Variants in EYS observed in about 807,000 individuals in gnomAD.
EYS encodes protein eyes shut homolog.
EYS carries 250 observed loss-of-function variants against 282.1 expected under a neutral mutation model. The ratio of observed to expected loss-of-function variants is 0.89; its 90% CI spans 0.80 to 0.98. The LOEUF (loss-of-function observed/expected upper bound fraction) is 0.98, where lower values mean the gene tolerates loss of function less well. Ranked by LOEUF, EYS falls within the 50% of genes least tolerant of loss-of-function variation. The pLI, the probability that EYS is intolerant of heterozygous loss-of-function variation, is 0.00. For synonymous variants in EYS, 1,355 were observed against 1,282.9 expected (o/e 1.06, Z -1.20); for missense variants, 4,016 against 3,709.0 (o/e 1.08, Z -2.15).
chr6:65,240,310 C>T (rs1767026774), intron 12 of EYS, among the ~76,000 whole-genome samples: 1 of 151,912 alleles, frequency 6.6e-6, no homozygotes, highest in African/African-American at 2.4e-5. Context: ...TCAGGGGGTA[C>T]ACTTGCAGGT....
chr6:63,848,017 A>G lies in EYS; in HGVS notation c.7228+16169T>C, dbSNP rs139364642. On this transcript the variant is annotated intron_variant, in intron 36 of 42. Coordinates refer to ENST00000503581, the MANE Select transcript of EYS (RefSeq NM_001142800.2). ...CATAATGCAATTTGAAGCATTTTTT[A>G]TTTTTATTAAATTACAGCACAGAGA... Among the ~76,000 whole-genome samples, 419 of 152,304 alleles carry G rather than the reference A, an allele frequency of 2.8e-3. 1 individual carries two copies. The highest frequency in any genetic ancestry group is 8.4e-3 in the African/African-American group (349 of 41,568).
At chr6:64,094,861 G>C (rs1308424187) in intron 31 of EYS, among the ~76,000 whole-genome samples, 1 of 152,040 alleles carries the variant, frequency 6.6e-6, no homozygotes, top group African/African-American at 2.4e-5. Context: ...GTCAATTTTA[G>C]ATCTTTCCTT....
intron 10 of EYS, among the ~76,000 whole-genome samples, chr6:65,339,575 G>A (rs757290351): frequency 1.3e-4 from 19 of 151,130 alleles, no homozygotes; most frequent in Middle Eastern, 3.2e-3. Context: ...AGTAAATACA[G>A]GGTTTGGTAC....
intron 19 of EYS, among the ~76,000 whole-genome samples, chr6:64,859,010 AG>A (rs1766154051): frequency 6.6e-6 from 1 of 151,970 alleles, no homozygotes; most frequent in South Asian, 2.1e-4. Flanking sequence ...AGAAATGAAA[AG>A]TATTCTAATA....
Position 64,912,740 on chromosome 6 carries a change from A to G in EYS, c.2385T>C (p.Cys795=), listed in dbSNP as rs2150076954. The G allele has an allele frequency of 5.2e-6, 7 of 1,343,530 alleles. No individual in the cohort carries two copies. The highest frequency in any genetic ancestry group is 6.7e-6 in the Non-Finnish European group (7 of 1,038,298). 83.2% of individuals were successfully genotyped at this position (1,343,530 alleles called of 1,614,324 possible). The change falls in exon 16 of 43, where the codon TGT becomes TGC. Residue 795 remains cysteine, a synonymous_variant. Transcript: ENST00000503581. ...GTCCAGTCCATCCAGATGTACACTC[A>G]CATCTGAAATAAAATATTAAAATTT... ...TCTDLYKSYR[C]ECTSGWTGQN... is the part of the protein sequence containing the mutation.
intron 12 of EYS, among the ~76,000 whole-genome samples, chr6:65,152,484 G>C (rs1764636260): frequency 6.6e-6 from 1 of 151,870 alleles, no homozygotes; most frequent in Non-Finnish European, 1.5e-5. Context: ...TACAGACCAG[G>C]GCACATGCAC....
intron 2 of EYS, among the ~76,000 whole-genome samples, chr6:65,555,624 T>C (rs1768770609): frequency 6.6e-6 from 1 of 152,184 alleles, no homozygotes; most frequent in South Asian, 2.1e-4. Flanking sequence ...GGTTCAAATA[T>C]TTTTTAGTCT....
chr6:65,617,944 G>C (rs1437264108), intron 2 of EYS, among the ~76,000 whole-genome samples: 3 of 151,930 alleles, frequency 2.0e-5, no homozygotes, highest in Admixed American at 6.6e-5. Context: ...TCTTAATCCA[G>C]TCTATCATTG....
At chr6:65,443,150 T>C (rs550130856) in intron 5 of EYS, among the ~76,000 whole-genome samples, 3 of 149,876 alleles carry the variant, frequency 2.0e-5, no homozygotes, top group Non-Finnish European at 4.5e-5. Context: ...TATGTACACA[T>C]CATACACATA....
chr6:63,927,077 AG>A (rs1421640017), intron 35 of EYS, among the ~76,000 whole-genome samples: 1 of 152,188 alleles, frequency 6.6e-6, no homozygotes, highest in African/African-American at 2.4e-5. Flanking sequence ...ATGGTCTTGG[AG>A]TCATAGGAAA....
intron 31 of EYS, among the ~76,000 whole-genome samples, chr6:64,092,850 T>A (rs1772422516): frequency 6.6e-6 from 1 of 151,826 alleles, no homozygotes; most frequent in East Asian, 1.9e-4. Context: ...CTGAATGGTA[T>A]TGCCTAGGTT....
chr6:65,111,676 C>T (rs1775215495), intron 12 of EYS, among the ~76,000 whole-genome samples: 1 of 152,012 alleles, frequency 6.6e-6, no homozygotes, highest in African/African-American at 2.4e-5. Flanking sequence ...GATGAAGCCC[C>T]ATCTCTACTA....
At chr6:64,649,785 A>G (rs905920241) in intron 22 of EYS, among the ~76,000 whole-genome samples, 3 of 152,178 alleles carry the variant, frequency 2.0e-5, no homozygotes, top group African/African-American at 7.2e-5. Context: ...TTTCTTTCAG[A>G]AAGTGATGGA....
At chr6:64,526,392 T>C (rs1445175899) in intron 26 of EYS, among the ~76,000 whole-genome samples, 1 of 151,812 alleles carries the variant, frequency 6.6e-6, no homozygotes, top group Non-Finnish European at 1.5e-5. Flanking sequence ...TGTGTGTGAA[T>C]CACAATTATC....
chr6:64,006,757 G>A (rs969769151), intron 33 of EYS, among the ~76,000 whole-genome samples: 3 of 152,078 alleles, frequency 2.0e-5, no homozygotes, highest in Admixed American at 6.5e-5. Context: ...AGATAATCAC[G>A]TGGTTTTTGT....
chr6:63,892,549 C>T (rs1773436244), intron 35 of EYS, among the ~76,000 whole-genome samples: 1 of 152,068 alleles, frequency 6.6e-6, no homozygotes, highest in Admixed American at 6.6e-5. Context: ...GAAACTGGAC[C>T]CCTTCCTTAA....
rs116322219 is a variant in EYS at position 64,908,413 on chromosome 6, G to A, written c.2641+4071C>T. 5.2e-3 allele frequency among the ~76,000 whole-genome samples: 788 copies of A among 152,210 alleles called. 7 individuals are homozygous for A. The highest frequency in any genetic ancestry group is 8.8e-3 in the Non-Finnish European group (600 of 68,002). ...ACCATTCACAGACAGCAGTGTGTTA[G>A]CAGCTCAGTTGGTGCCTTGCCTCGT... On this transcript the variant is annotated intron_variant, in intron 16 of 42. Transcript: ENST00000503581.
intron 1 of EYS, among the ~76,000 whole-genome samples, chr6:65,688,574 C>T (rs529464579): frequency 1.7e-4 from 26 of 151,082 alleles, no homozygotes; most frequent in Non-Finnish European, 2.8e-4. Context: ...CAAATGGGAT[C>T]GAAGTAAACT....
Position 63,772,874 on chromosome 6 carries a change from AT to A in EYS, c.7898+5131del, listed in dbSNP as rs535036036. 7.5e-3 allele frequency among the ~76,000 whole-genome samples: 1,131 copies of A among 151,730 alleles called. 19 individuals carry two copies. The highest frequency in any genetic ancestry group is 0.026 in the African/African-American group (1,060 of 41,370). On this transcript the variant is annotated intron_variant, in intron 40 of 42. Coordinates refer to ENST00000503581, the MANE Select transcript of EYS (RefSeq NM_001142800.2). The stretch of plus-strand genomic sequence containing the variant: ...ATAAATTGTGTGTGTGTAATCTTGC[AT>A]TTTTTTCTTAGAAAAATATGAGCAT...
Sources: gnomAD v4.1 joint callset for allele counts (sites outside exome capture counted in the v4.1 genomes callset) on GRCh38, gnomAD v4.1.1 for gene constraint, MANE v1.5 for transcripts, NCBI Gene and HGNC (gene_info 2026-07-23, HGNC 2026-07-21) for gene names.